Variants in XYLB observed in about 807,000 individuals in gnomAD.
XYLB encodes the protein xylulokinase.
Under a neutral mutation model 78.7 loss-of-function variants are expected in XYLB, and 62 were observed. The ratio of observed to expected loss-of-function variants is 0.79; its 90% CI spans 0.64 to 0.97. XYLB has a LOEUF of 0.97. XYLB is among the 50% of genes least tolerant of loss of function. The pLI, the probability that XYLB is intolerant of heterozygous loss-of-function variation, is 0.00. For missense variants in XYLB, 687 were observed against 676.8 expected, an observed-to-expected ratio of 1.02 and a Z score of -0.17; for synonymous variants, 245 against 247.4, an observed-to-expected ratio of 0.99 and a Z score of 0.09.
intron 9 of XYLB, among the ~76,000 whole-genome samples, chr3:38,371,521 G>A (rs1271515332): frequency 6.6e-6 from 1 of 151,998 alleles, no homozygotes; most frequent in African/African-American, 2.4e-5. Context: ...TGATCTGCCC[G>A]CCTCGGCCTT....
chr3:38,382,007 G>A (rs190124711), intron 15 of XYLB, among the ~76,000 whole-genome samples: 2,090 of 152,132 alleles, frequency 0.014, 26 homozygotes, highest in Non-Finnish European at 0.022. Flanking sequence ...TGGCTTGTGG[G>A]GCATCACGGA....
chr3:38,373,752 C>A (rs1407475796), intron 10 of XYLB, among the ~76,000 whole-genome samples: 1 of 152,228 alleles, frequency 6.6e-6, no homozygotes, highest in Admixed American at 6.5e-5. Context: ...TCCTCACTCC[C>A]ATTTCACCTT....
intron 14 of XYLB, among the ~76,000 whole-genome samples, chr3:38,378,679 T>C (rs906148767): frequency 6.6e-6 from 1 of 151,728 alleles, no homozygotes; most frequent in Admixed American, 6.6e-5. Context: ...TAGCTGTTTA[T>C]GAGGGGGATG....
At position 38,365,726 on chromosome 3, in the gene XYLB, G is replaced by A. The variant is rs200425508; in HGVS notation, c.497G>A (p.Arg166His). The A allele has an allele frequency of 4.5e-5, 73 of 1,612,856 alleles. No individual in the cohort carries two copies. The highest frequency in any genetic ancestry group is 3.2e-4 in the Admixed American group (19 of 59,894). The change falls in exon 6 of 19, where the codon CGT becomes CAT. Residue 166 changes from arginine to histidine, a missense_variant. Transcript: ENST00000207870. ...AQALSCLTGS[R>H]AYERFTGNQI... ...GCTCTCAGCTGCCTCACGGGGTCCC[G>A]TGCCTATGAGGTAGGCTGAGGATGC...
At chr3:38,426,759 C>T in the XYLB span, among the ~76,000 whole-genome samples, 9 of 152,150 alleles carry the variant, frequency 5.9e-5, no homozygotes, top group Admixed American at 5.2e-4. Flanking sequence ...AGGTGGGACA[C>T]GTTGGTAGCA....
In XYLB at chr3:38,365,287, TA is replaced by T. The variant is rs751653632; in HGVS notation, c.378+4del. 1 of 1,614,146 alleles carries T rather than the reference TA, an allele frequency of 6.2e-7. No homozygotes were observed. The highest frequency in any genetic ancestry group is 8.5e-7 in the Non-Finnish European group (1 of 1,179,980). On this transcript the variant is annotated splice_donor_region_variant and intron_variant, in intron 5 of 18. Coordinates refer to ENST00000207870, the MANE Select transcript of XYLB (RefSeq NM_005108.4). ...CTCCGGCTACACCAGCAGCTGCAGG[TA>T]ACTGTGGCTACGTTGTGTGAGTGTG... is the stretch of plus-strand genomic sequence containing the variant.
At chr3:38,398,116 C>T (rs1707962905) in intron 17 of XYLB, among the ~76,000 whole-genome samples, 1 of 151,774 alleles carries the variant, frequency 6.6e-6, no homozygotes, top group Non-Finnish European at 1.5e-5. Flanking sequence ...CCGCACCCGG[C>T]CTAAGCTTAT....
chr3:38,422,669 G>A (rs541704118), downstream of XYLB, among the ~76,000 whole-genome samples: 6 of 152,068 alleles, frequency 3.9e-5, no homozygotes, highest in Non-Finnish European at 8.8e-5. Flanking sequence ...TGTAACTTCT[G>A]TACCTATAAA....
chr3:38,434,293 A>G, the XYLB span, among the ~76,000 whole-genome samples: 1 of 152,234 alleles, frequency 6.6e-6, no homozygotes, highest in Non-Finnish European at 1.5e-5. Context: ...CTAAAGTCCA[A>G]GATAATGATT....
Position 38,379,149 on chromosome 3 carries a change from G to T in XYLB, c.1195-97G>T, listed in dbSNP as rs991735276. 2.4e-6 allele frequency: 3 copies of T among 1,237,566 alleles called. No individual in the cohort carries two copies. In the African/African-American group the frequency reaches 4.4e-5, roughly 18 times the overall value. The allele number at this position is 1,237,566 out of a possible 1,614,324, so 76.7% of individuals were successfully genotyped here. On this transcript the variant is annotated intron_variant, in intron 14 of 18. Coordinates refer to ENST00000207870, the MANE Select transcript of XYLB (RefSeq NM_005108.4). ...AGCCCAGCTATGAGTTTCAAATCTGGGCTGTTGTTTAAAAAGATCACACAC... is the reference window on the plus strand; with the variant it reads ...AGCCCAGCTATGAGTTTCAAATCTGTGCTGTTGTTTAAAAAGATCACACAC...
chr3:38,383,780 G>A (rs181960925), intron 15 of XYLB, among the ~76,000 whole-genome samples: 6 of 152,176 alleles, frequency 3.9e-5, no homozygotes, highest in East Asian at 3.9e-4. Context: ...GCGACAGAGC[G>A]AGACCATGTC....
chr3:38,426,680 G>A, the XYLB span, among the ~76,000 whole-genome samples: 63,735 of 152,032 alleles, frequency 0.42, 15,701 homozygotes, highest in Non-Finnish European at 0.56. Context: ...AATGTGGATC[G>A]CGAATCCTGC....
chr3:38,422,795 A>T (rs1223008291), downstream of XYLB, among the ~76,000 whole-genome samples: 1 of 152,088 alleles, frequency 6.6e-6, no homozygotes, highest in African/African-American at 2.4e-5. Flanking sequence ...TGTGCCTGGC[A>T]TGGGATTAGA....
At chr3:38,406,838 G>T (rs1559618473) in intron 18 of XYLB, among the ~76,000 whole-genome samples, 1 of 152,146 alleles carries the variant, frequency 6.6e-6, no homozygotes, top group Non-Finnish European at 1.5e-5. Context: ...AGAGAAAAAA[G>T]AATAAAAAGA....
At chr3:38,448,262 A>G in the XYLB span, among the ~76,000 whole-genome samples, 1 of 152,142 alleles carries the variant, frequency 6.6e-6, no homozygotes, top group Admixed American at 6.5e-5. Context: ...GTGGGTGAAG[A>G]GAACTGGGTT....
At chr3:38,450,459 T>G in the XYLB span, among the ~76,000 whole-genome samples, 1 of 152,166 alleles carries the variant, frequency 6.6e-6, no homozygotes, top group Non-Finnish European at 1.5e-5. Context: ...TCTTGATTGT[T>G]GAAGGGTGGG....
At chr3:38,410,330 T>C (rs1314926186) in intron 18 of XYLB, among the ~76,000 whole-genome samples, 1 of 152,212 alleles carries the variant, frequency 6.6e-6, no homozygotes, top group Non-Finnish European at 1.5e-5. Context: ...TGGCTAGCCA[T>C]GTGTAGAAAG....
At chr3:38,388,169 G>GTTTT (rs71085320) in intron 15 of XYLB, among the ~76,000 whole-genome samples, 1 of 109,346 alleles carries the variant, frequency 9.1e-6, no homozygotes, top group African/African-American at 3.2e-5. Flanking sequence ...GTTTTTTTTT[G>GTTTT]TTTTTTTTTT....
At chr3:38,395,455 G>A (rs1222665602) in intron 15 of XYLB, 50 bp from the exon 16 acceptor site, 1 of 1,589,088 alleles carries the variant, frequency 6.3e-7, no homozygotes, top group Non-Finnish European at 8.6e-7. Context: ...AGCCCTTTCT[G>A]CCTTGGGAGA....
Sources: gnomAD v4.1 joint callset for allele counts (sites outside exome capture counted in the v4.1 genomes callset) on GRCh38, gnomAD v4.1.1 for gene constraint, MANE v1.5 for transcripts, NCBI Gene and HGNC (gene_info 2026-07-23, HGNC 2026-07-21) for gene names.